Variants in ENTREP2 observed in about 807,000 individuals in gnomAD.
ENTREP2 encodes protein ENTREP2.
At chr15:29,433,781 G>A in the ENTREP2 span, among the ~76,000 whole-genome samples, 1 of 136,720 alleles carries the variant, frequency 7.3e-6, no homozygotes, top group Non-Finnish European at 1.6e-5. Flanking sequence ...TCCTCCATGG[G>A]AAAAAAAAAA....
the ENTREP2 span, among the ~76,000 whole-genome samples, chr15:29,275,972 A>G: frequency 1.3e-5 from 2 of 152,214 alleles, no homozygotes; most frequent in South Asian, 4.1e-4. Flanking sequence ...ACAGCAGGAA[A>G]AGCAATCCAG....
the ENTREP2 span, among the ~76,000 whole-genome samples, chr15:29,484,503 C>T: frequency 6.6e-6 from 1 of 152,158 alleles, no homozygotes; most frequent in Non-Finnish European, 1.5e-5. Context: ...GTAACAAACA[C>T]AAACACTACC....
At chr15:29,263,243 T>C in the ENTREP2 span, among the ~76,000 whole-genome samples, 6 of 152,256 alleles carry the variant, frequency 3.9e-5, no homozygotes, top group African/African-American at 1.4e-4. Context: ...CTTTCACATG[T>C]AGATTTGTTC....
At chr15:29,132,867 C>T in the ENTREP2 span, among the ~76,000 whole-genome samples, 1 of 152,036 alleles carries the variant, frequency 6.6e-6, no homozygotes, top group African/African-American at 2.4e-5. Context: ...GTCCAAGGGG[C>T]AGGGAGAACC....
chr15:29,226,544 T>C, the ENTREP2 span, among the ~76,000 whole-genome samples: 1 of 152,248 alleles, frequency 6.6e-6, no homozygotes, highest in Non-Finnish European at 1.5e-5. Flanking sequence ...TGGGCAACAA[T>C]GGGAACAGAG....
chr15:29,582,077 G>A, the ENTREP2 span, among the ~76,000 whole-genome samples: 1 of 152,024 alleles, frequency 6.6e-6, no homozygotes, highest in East Asian at 1.9e-4. Context: ...AAGTAGCTGG[G>A]ATTATAGGCG....
chr15:29,544,288 G>A, the ENTREP2 span, among the ~76,000 whole-genome samples: 1 of 152,280 alleles, frequency 6.6e-6, no homozygotes, highest in South Asian at 2.1e-4. Context: ...ATAATTCACA[G>A]TTAGTAGTCA....
the ENTREP2 span, among the ~76,000 whole-genome samples, chr15:29,315,108 G>T: frequency 1.3e-5 from 2 of 152,244 alleles, no homozygotes; most frequent in South Asian, 4.1e-4. Flanking sequence ...TGAATAAATG[G>T]AAAGAAATAT....
At chr15:29,294,312 G>A in the ENTREP2 span, among the ~76,000 whole-genome samples, 2 of 152,240 alleles carry the variant, frequency 1.3e-5, no homozygotes, top group Admixed American at 6.5e-5. Flanking sequence ...CCAGAGCCCA[G>A]AAGGAACCAA....
At chr15:29,384,892 C>T in the ENTREP2 span, among the ~76,000 whole-genome samples, 28 of 152,302 alleles carry the variant, frequency 1.8e-4, no homozygotes, top group African/African-American at 9.6e-5. Context: ...TTTCCACACG[C>T]CCCAACACTG....
the ENTREP2 span, among the ~76,000 whole-genome samples, chr15:29,261,517 A>G: frequency 2.0e-5 from 3 of 152,226 alleles, no homozygotes; most frequent in Non-Finnish European, 4.4e-5. Flanking sequence ...CTATCTCTAA[A>G]AAGGAAAAGA....
At chr15:29,471,476 G>A in the ENTREP2 span, among the ~76,000 whole-genome samples, 2 of 152,174 alleles carry the variant, frequency 1.3e-5, no homozygotes, top group Non-Finnish European at 2.9e-5. Flanking sequence ...AGAAAACAGA[G>A]AGACCCCGGG....
chr15:29,292,443 C>T, the ENTREP2 span, among the ~76,000 whole-genome samples: 5 of 150,996 alleles, frequency 3.3e-5, no homozygotes, highest in South Asian at 2.1e-4. Context: ...TACAATGGCA[C>T]GGTCTTAGCT....
the ENTREP2 span, among the ~76,000 whole-genome samples, chr15:29,235,983 A>AAC: frequency 2.7e-4 from 34 of 126,194 alleles, no homozygotes; most frequent in African/African-American, 9.2e-4. Flanking sequence ...AAACAAAACA[A>AAC]AAAAAAACCC....
the ENTREP2 span, chr15:29,252,336 C>T: frequency 2.2e-6 from 3 of 1,356,348 alleles, no homozygotes; most frequent in Middle Eastern, 1.8e-4. Flanking sequence ...ATCCTATGAC[C>T]TTTATGAAAG....
chr15:29,590,909 T>C, the ENTREP2 span, among the ~76,000 whole-genome samples: 1 of 152,148 alleles, frequency 6.6e-6, no homozygotes, highest in Non-Finnish European at 1.5e-5. Context: ...CCCCAGGGGA[T>C]CTATAATGTG....
chr15:29,163,478 A>C, the ENTREP2 span, among the ~76,000 whole-genome samples: 1 of 152,098 alleles, frequency 6.6e-6, no homozygotes, highest in Non-Finnish European at 1.5e-5. Context: ...AAAAATAAAT[A>C]AAAAATCCAG....
chr15:29,644,089 T>C, the ENTREP2 span, among the ~76,000 whole-genome samples: 22 of 152,046 alleles, frequency 1.4e-4, no homozygotes, highest in African/African-American at 4.8e-4. Flanking sequence ...TACATTTTAC[T>C]GGATATCATT....
At chr15:29,125,428 G>A in the ENTREP2 span, among the ~76,000 whole-genome samples, 3 of 152,190 alleles carry the variant, frequency 2.0e-5, no homozygotes, top group Non-Finnish European at 4.4e-5. Flanking sequence ...TCCACCAGGA[G>A]GGTACCTCCA....
Sources: gnomAD v4.1 joint callset for allele counts (sites outside exome capture counted in the v4.1 genomes callset) on GRCh38, gnomAD v4.1.1 for gene constraint, MANE v1.5 for transcripts, NCBI Gene and HGNC (gene_info 2026-07-23, HGNC 2026-07-21) for gene names.